The following CNTN5 variants were observed in gnomAD, a reference collection of about 807,000 sequenced individuals.
CNTN5 encodes the protein contactin-5.
In CNTN5, 77 loss-of-function variants were observed where a neutral mutation model predicts 129.1. The ratio of observed to expected loss-of-function variants is 0.60; its 90% confidence interval spans 0.50 to 0.72. The LOEUF (loss-of-function observed/expected upper bound fraction) is 0.72. Among genes scored for constraint, CNTN5 ranks in the 30% least tolerant of loss-of-function variants. The pLI is 0.00. For missense variants in CNTN5, 1,478 were observed against 1,328.8 expected, an observed-to-expected ratio of 1.11 and a Z score of -1.75; for synonymous variants, 509 against 465.6, an observed-to-expected ratio of 1.09 and a Z score of -1.20.
At chr11:99,654,538 T>G (rs1471728787) in intron 3 of CNTN5, among the ~76,000 whole-genome samples, 2 of 152,102 alleles carry the variant, frequency 1.3e-5, no homozygotes, top group Non-Finnish European at 2.9e-5. Context: ...TTAAAAATGA[T>G]GTAGGTTTCA....
At chr11:99,388,472 GTA>G (rs1321047496) in intron 2 of CNTN5, among the ~76,000 whole-genome samples, 4 of 148,540 alleles carry the variant, frequency 2.7e-5, no homozygotes, top group Non-Finnish European at 4.4e-5. Context: ...ATGGCACTTT[GTA>G]CGCTTGTAAA....
chr11:99,088,752 T>A (rs1429974671), intron 1 of CNTN5, among the ~76,000 whole-genome samples: 1 of 152,138 alleles, frequency 6.6e-6, no homozygotes, highest in Non-Finnish European at 1.5e-5. Flanking sequence ...TCACTGCATG[T>A]CAAGGTAGAA....
chr11:99,352,516 T>TC (rs1938367966), intron 2 of CNTN5, among the ~76,000 whole-genome samples: 1 of 152,208 alleles, frequency 6.6e-6, no homozygotes, highest in Non-Finnish European at 1.5e-5. Flanking sequence ...AATTTTCTTT[T>TC]CTTTTTTTTC....
At chr11:100,035,043 C>A (rs1039091136) in intron 9 of CNTN5, among the ~76,000 whole-genome samples, 2 of 151,974 alleles carry the variant, frequency 1.3e-5, no homozygotes, top group South Asian at 4.1e-4. Context: ...CATATGGATC[C>A]ATGTGCCATG....
At chr11:99,452,372 G>GTTTTTTTTT (rs71463577) in intron 2 of CNTN5, among the ~76,000 whole-genome samples, 15 of 104,364 alleles carry the variant, frequency 1.4e-4, no homozygotes, top group South Asian at 7.6e-4. Context: ...AAACACAGGT[G>GTTTTTTTTT]TTTTTTTTTT....
chr11:99,454,632 G>A (rs1944430555), intron 2 of CNTN5, among the ~76,000 whole-genome samples: 1 of 152,110 alleles, frequency 6.6e-6, no homozygotes, highest in Non-Finnish European at 1.5e-5. Context: ...CCCCAGCCAT[G>A]CTGAACTGTG....
chr11:99,706,611 T>C (rs543580923), intron 3 of CNTN5, among the ~76,000 whole-genome samples: 1 of 151,598 alleles, frequency 6.6e-6, no homozygotes, highest in African/African-American at 2.4e-5. Context: ...TTTCTAAATT[T>C]GTATGTGGTG....
chr11:99,970,707 A>G (rs1951226769), intron 8 of CNTN5, among the ~76,000 whole-genome samples: 1 of 152,152 alleles, frequency 6.6e-6, no homozygotes. Flanking sequence ...GTCAGAAACT[A>G]CTTTTCTAGA....
At chr11:99,853,908 G>A (rs183428574) in intron 6 of CNTN5, among the ~76,000 whole-genome samples, 4 of 152,120 alleles carry the variant, frequency 2.6e-5, no homozygotes, top group Non-Finnish European at 2.9e-5. Context: ...TAAAACAGTA[G>A]CTCCAAATCA....
chr11:100,040,195 C>A (rs192570656), intron 9 of CNTN5, among the ~76,000 whole-genome samples: 1 of 152,122 alleles, frequency 6.6e-6, no homozygotes, highest in African/African-American at 2.4e-5. Context: ...ACAGACAGGA[C>A]CTTCAGCTGC....
At chr11:99,244,677 G>A (rs943247581) in intron 1 of CNTN5, among the ~76,000 whole-genome samples, 20 of 152,152 alleles carry the variant, frequency 1.3e-4, no homozygotes, top group African/African-American at 4.6e-4. Flanking sequence ...GTTTTAAAAT[G>A]CCTGCTACTG....
chr11:99,616,264 A>G (rs1375773638), intron 3 of CNTN5, among the ~76,000 whole-genome samples: 2 of 152,194 alleles, frequency 1.3e-5, no homozygotes, highest in Non-Finnish European at 2.9e-5. Flanking sequence ...AAATAAAAAT[A>G]ACACATAAGA....
chr11:100,047,698 A>G (rs1942755979), intron 9 of CNTN5, among the ~76,000 whole-genome samples: 1 of 152,174 alleles, frequency 6.6e-6, no homozygotes. Flanking sequence ...TAGCTTATAA[A>G]GCATAATTTT....
chr11:99,820,409 G>C (rs928374136), intron 4 of CNTN5, among the ~76,000 whole-genome samples: 1 of 152,292 alleles, frequency 6.6e-6, no homozygotes, highest in Non-Finnish European at 1.5e-5. Flanking sequence ...TATATACTTA[G>C]CATTACTTAT....
At position 99,836,849 on chromosome 11, in the gene CNTN5, AT is replaced by A. The variant is rs564844036; in HGVS notation, c.278-8002del. ...TGATTGCCATTCTAACTGGTGTGAG[AT>A]GGTATCACATTGTGGTTCATGACTC... is the stretch of plus-strand genomic sequence containing the variant. On this transcript the variant is annotated intron_variant, in intron 4 of 24. Coordinates refer to ENST00000524871, the MANE Select transcript of CNTN5 (RefSeq NM_014361.4). 2.0e-4 allele frequency among the ~76,000 whole-genome samples: 30 copies of A among 152,258 alleles called. No individual in the cohort carries two copies. The East Asian group carries it at 5.6e-3, about 28-fold the overall frequency.
At chr11:99,234,610 C>T (rs2135738742) in intron 1 of CNTN5, among the ~76,000 whole-genome samples, 1 of 152,170 alleles carries the variant, frequency 6.6e-6, no homozygotes, top group Non-Finnish European at 1.5e-5. Context: ...CCTTAGAAGG[C>T]ATGATCCAAG....
intron 6 of CNTN5, among the ~76,000 whole-genome samples, chr11:99,872,492 G>C (rs557063098): frequency 6.6e-6 from 1 of 152,222 alleles, no homozygotes; most frequent in East Asian, 1.9e-4. Flanking sequence ...CCTAAGGACA[G>C]CAGTTGGCTA....
chr11:99,788,733 C>T (rs186540167), intron 3 of CNTN5, among the ~76,000 whole-genome samples: 54 of 151,876 alleles, frequency 3.6e-4, no homozygotes, highest in Middle Eastern at 3.4e-3. Flanking sequence ...AAAATTTTTA[C>T]TCCATCACCT....
At chr11:99,347,719 C>T (rs1258557431) in intron 2 of CNTN5, among the ~76,000 whole-genome samples, 6 of 152,138 alleles carry the variant, frequency 3.9e-5, no homozygotes, top group Non-Finnish European at 8.8e-5. Flanking sequence ...AATGACAATT[C>T]TACCATGATA....
Sources: gnomAD v4.1 joint callset for allele counts (sites outside exome capture counted in the v4.1 genomes callset) on GRCh38, gnomAD v4.1.1 for gene constraint, MANE v1.5 for transcripts, NCBI Gene and HGNC (gene_info 2026-07-23, HGNC 2026-07-21) for gene names.